The following LEKR1 variants were observed in gnomAD, a reference collection of about 807,000 sequenced individuals.
LEKR1 encodes the protein leucine, glutamate and lysine rich 1.
In LEKR1, 59 loss-of-function variants were observed where a neutral mutation model predicts 72.4. The ratio of observed to expected loss-of-function variants is 0.82; its 90% CI spans 0.66 to 1.01. The LOEUF is 1.01. LEKR1 is among the 50% of genes least tolerant of loss of function. The probability of loss-of-function intolerance (pLI) is 0.00; values close to 1 mark genes in which losing one functional copy is unlikely to be tolerated. For synonymous variants in LEKR1, 257 were observed against 263.2 expected (o/e 0.98, Z 0.23); for missense variants, 728 against 759.2 (o/e 0.96, Z 0.48).
At chr3:156,944,089 GT>G (rs1726470617) in intron 6 of LEKR1, among the ~76,000 whole-genome samples, 1 of 150,402 alleles carries the variant, frequency 6.6e-6, no homozygotes, top group African/African-American at 2.4e-5. Context: ...GAAGTTTTTT[GT>G]TTTGGTATAA....
chr3:156,979,478 C>T (rs1729989689), intron 7 of LEKR1: 2 of 210,186 alleles, frequency 9.5e-6, no homozygotes, highest in South Asian at 6.5e-5. Context: ...TATTGAAGAA[C>T]CTGTAAATAT....
At chr3:156,995,372 A>G (rs1022574307) in intron 9 of LEKR1, among the ~76,000 whole-genome samples, 2 of 152,210 alleles carry the variant, frequency 1.3e-5, no homozygotes, top group African/African-American at 4.8e-5. Flanking sequence ...TTCAGAGAAT[A>G]GTGACATCAC....
chr3:156,894,383 T>G (rs1472101861), intron 3 of LEKR1, among the ~76,000 whole-genome samples: 1 of 152,204 alleles, frequency 6.6e-6, no homozygotes, highest in Non-Finnish European at 1.5e-5. Flanking sequence ...CTAAGAAATA[T>G]TATTGAAAAA....
intron 3 of LEKR1, among the ~76,000 whole-genome samples, chr3:156,879,294 T>A (rs1306545363): frequency 6.6e-6 from 1 of 152,008 alleles, no homozygotes; most frequent in East Asian, 1.9e-4. Context: ...AGAACTGGAG[T>A]AAAGGTTATT....
rs999952653 is a variant in LEKR1, at chr3:157,045,762, G to C, written c.*12G>C. ...GGAGTCAGCAATGATCCAAAATGAG[G>C]AGCAGGAAGCTCCCTACAGCGTGCA... On this transcript the variant is annotated 3_prime_UTR_variant, in exon 13 of 13. Coordinates refer to ENST00000356539, the MANE Select transcript of LEKR1 (RefSeq NM_001004316.3). The C allele has an allele frequency of 6.2e-7, 1 of 1,603,380 alleles. No individual in the cohort carries two copies. Among genetic ancestry groups the C allele is most frequent in the African/African-American group, 1.3e-5 (1 of 74,884 alleles).
At chr3:156,883,293 C>A (rs987398842) in intron 3 of LEKR1, among the ~76,000 whole-genome samples, 1 of 152,152 alleles carries the variant, frequency 6.6e-6, no homozygotes, top group Non-Finnish European at 1.5e-5. Flanking sequence ...GCCTGCACCC[C>A]CATTGTATCT....
chr3:157,010,212 A>G (rs1203961212), intron 9 of LEKR1, among the ~76,000 whole-genome samples: 1 of 151,846 alleles, frequency 6.6e-6, no homozygotes, highest in Non-Finnish European at 1.5e-5. Context: ...TCCATTGATT[A>G]CAACTCTGAT....
At chr3:156,887,509 A>ATGTT (rs1720231262) in intron 3 of LEKR1, among the ~76,000 whole-genome samples, 1 of 151,874 alleles carries the variant, frequency 6.6e-6, no homozygotes, top group Non-Finnish European at 1.5e-5. Context: ...TGTTATGTAG[A>ATGTT]TGTTTTGTGT....
intron 9 of LEKR1, among the ~76,000 whole-genome samples, chr3:157,010,619 A>C (rs929915817): frequency 6.6e-6 from 1 of 152,132 alleles, no homozygotes; most frequent in African/African-American, 2.4e-5. Flanking sequence ...GAAGAATCAC[A>C]TACATAGAAC....
intron 3 of LEKR1, among the ~76,000 whole-genome samples, chr3:156,865,830 T>C (rs1015165818): frequency 1.3e-5 from 2 of 152,058 alleles, no homozygotes; most frequent in African/African-American, 4.8e-5. Context: ...TTCTAAGAGA[T>C]TATCTACTTC....
chr3:156,969,741 C>A (rs373618877), intron 6 of LEKR1, among the ~76,000 whole-genome samples: 3 of 152,018 alleles, frequency 2.0e-5, no homozygotes, highest in Admixed American at 1.3e-4. Context: ...CAATCAATAG[C>A]AAAAGAGGGA....
intron 2 of LEKR1, among the ~76,000 whole-genome samples, chr3:156,835,574 A>G (rs1248151701): frequency 1.3e-5 from 2 of 152,234 alleles, no homozygotes; most frequent in East Asian, 3.8e-4. Context: ...AAAGCCAATC[A>G]GCTCAATCTG....
intron 3 of LEKR1, among the ~76,000 whole-genome samples, chr3:156,878,546 A>G (rs1718896305): frequency 6.6e-6 from 1 of 152,170 alleles, no homozygotes; most frequent in African/African-American, 2.4e-5. Context: ...GTGAACTCTC[A>G]TGTGGTCTAT....
At chr3:156,899,659 CATATATACACAT>C (rs1721766101) in intron 3 of LEKR1, among the ~76,000 whole-genome samples, 1 of 132,392 alleles carries the variant, frequency 7.6e-6, no homozygotes, top group Non-Finnish European at 1.6e-5. Context: ...TATATACACG[CATATATACACAT>C]ATATACACGC....
chr3:156,855,439 T>G (rs1434259046), intron 3 of LEKR1, among the ~76,000 whole-genome samples: 2 of 152,230 alleles, frequency 1.3e-5, no homozygotes, highest in African/African-American at 4.8e-5. Flanking sequence ...TGATTACCTA[T>G]ACACATATAT....
chr3:156,939,426 T>C (rs1726006145), intron 5 of LEKR1, among the ~76,000 whole-genome samples: 1 of 152,168 alleles, frequency 6.6e-6, no homozygotes. Flanking sequence ...ATTTCTGTTG[T>C]TTAAGCACTC....
At chr3:156,972,400 G>A (rs1487646754) in intron 6 of LEKR1, among the ~76,000 whole-genome samples, 2 of 151,996 alleles carry the variant, frequency 1.3e-5, no homozygotes, top group African/African-American at 2.4e-5. Flanking sequence ...GTTAAATGAC[G>A]AGTTAATGGG....
intron 10 of LEKR1, among the ~76,000 whole-genome samples, chr3:157,013,719 A>C (rs772012693): frequency 6.6e-6 from 1 of 152,106 alleles, no homozygotes; most frequent in Non-Finnish European, 1.5e-5. Context: ...AGCTATTGAG[A>C]CTATGAATAA....
At chr3:156,948,179 TA>T (rs1726844990) in intron 6 of LEKR1, among the ~76,000 whole-genome samples, 1 of 151,256 alleles carries the variant, frequency 6.6e-6, no homozygotes, top group African/African-American at 2.4e-5. Flanking sequence ...TTTTTAATGC[TA>T]TTATATGTTC....
Sources: allele counts gnomAD v4.1 joint callset (sites outside exome capture counted in the v4.1 genomes callset), GRCh38; gene constraint gnomAD v4.1.1; transcripts MANE v1.5; gene names NCBI Gene and HGNC (gene_info 2026-07-23, HGNC 2026-07-21).